The following SUPT16H variants were observed in gnomAD, a reference collection of about 807,000 sequenced individuals.
SUPT16H encodes SPT16 homolog, facilitates chromatin remodeling subunit.
Under a neutral mutation model 136.2 loss-of-function variants are expected in SUPT16H, and 24 were observed. That is an observed-to-expected ratio of 0.18 (90% CI 0.13 to 0.25). The LOEUF (loss-of-function observed/expected upper bound fraction) is 0.25, where lower values mean the gene tolerates loss of function less well. Among genes scored for constraint, SUPT16H ranks in the 10% least tolerant of loss-of-function variants. SUPT16H has a pLI of 1.00. For synonymous variants in SUPT16H, 415 were observed against 428.2 expected, an observed-to-expected ratio of 0.97 and a Z score of 0.38; for missense variants, 623 against 1,270.2, an observed-to-expected ratio of 0.49 and a Z score of 7.74.
intron 3 of SUPT16H, among the ~76,000 whole-genome samples, chr14:21,371,510 G>A (rs1407835024): frequency 1.3e-5 from 2 of 151,926 alleles, no homozygotes; most frequent in East Asian, 3.9e-4. Context: ...TGGGCAGTAT[G>A]ACAAAAAAAA....
At chr14:21,366,733 C>T (rs1302498924) in intron 7 of SUPT16H, among the ~76,000 whole-genome samples, 4 of 150,968 alleles carry the variant, frequency 2.6e-5, no homozygotes, top group Admixed American at 2.0e-4. Flanking sequence ...CACTGCAGCC[C>T]TGACCTCCCA....
intron 2 of SUPT16H, 172 bp from the exon 3 acceptor site, chr14:21,372,216 C>T (rs551580443): frequency 3.9e-4 from 250 of 640,968 alleles, no homozygotes; most frequent in African/African-American, 3.9e-3. Flanking sequence ...GGCCAAGAGT[C>T]GACAATTTAT....
At chr14:21,375,828 A>G (rs1449821378) in intron 1 of SUPT16H, among the ~76,000 whole-genome samples, 1 of 152,120 alleles carries the variant, frequency 6.6e-6, no homozygotes, top group Non-Finnish European at 1.5e-5. Flanking sequence ...CCTGACCTCA[A>G]GTGATCCTCC....
At chr14:21,383,708 G>A (rs1160759897) in intron 1 of SUPT16H, 154 bp downstream of exon 1, 3 of 827,646 alleles carry the variant, frequency 3.6e-6, no homozygotes, top group Non-Finnish European at 2.1e-6. Context: ...CAGCGTTCGT[G>A]GCCGCCTCCG....
chr14:21,383,730 G>A (rs761940046), intron 1 of SUPT16H, 132 bp downstream of exon 1: 1 of 1,008,126 alleles, frequency 9.9e-7, no homozygotes, highest in African/African-American at 1.6e-5. Context: ...TGAATGATTC[G>A]GGAGCAACGA....
chr14:21,382,259 A>C (rs1236513805), intron 1 of SUPT16H, among the ~76,000 whole-genome samples: 1 of 152,200 alleles, frequency 6.6e-6, no homozygotes, highest in Non-Finnish European at 1.5e-5. Context: ...TTACACCATC[A>C]GTGTCTTATC....
chr14:21,360,060 C>T (rs183196729), intron 18 of SUPT16H, among the ~76,000 whole-genome samples: 16 of 152,172 alleles, frequency 1.1e-4, no homozygotes, highest in Non-Finnish European at 2.2e-4. Flanking sequence ...GTTTTTCACA[C>T]GCTGTCGCCC....
At chr14:21,379,744 T>C (rs1474645118) in intron 1 of SUPT16H, among the ~76,000 whole-genome samples, 1 of 151,932 alleles carries the variant, frequency 6.6e-6, no homozygotes, top group Non-Finnish European at 1.5e-5. Context: ...ATTGGTCAAG[T>C]GTTGTGGCAT....
At chr14:21,368,466 C>T (rs371815707) in intron 6 of SUPT16H, 25 bp from the exon 7 acceptor site, 46 of 1,574,158 alleles carry the variant, frequency 2.9e-5, no homozygotes, top group Non-Finnish European at 3.9e-5. Flanking sequence ...AGAAAGAAAA[C>T]ATTTCATTAC....
In SUPT16H at chr14:21,351,541, T is replaced by C. The variant is rs1453850014; in HGVS notation, c.*1132A>G. ...CTTTTAGTTCTTCCAAAATTGAAAA[T>C]ATCAAGTCCTACTGCTAAGGAGAAA... On this transcript the variant is annotated 3_prime_UTR_variant, in exon 26 of 26. Coordinates refer to ENST00000216297, the MANE Select transcript of SUPT16H (RefSeq NM_007192.4). The C allele has an allele frequency of 4.9e-6, 1 of 205,542 alleles. No homozygotes were observed. Among genetic ancestry groups the C allele is most frequent in the African/African-American group, 2.3e-5 (1 of 42,994 alleles). The allele number at this position is 205,542 out of a possible 1,614,324, so 12.7% of individuals were successfully genotyped here.
intron 4 of SUPT16H, 83 bp downstream of exon 4, chr14:21,370,253 A>G (rs768510701): frequency 3.4e-5 from 50 of 1,483,486 alleles, no homozygotes; most frequent in Non-Finnish European, 4.5e-5. Flanking sequence ...CCCAAAACAA[A>G]CGTCCTGCAC....
chr14:21,370,273 T>C (rs778123472), intron 4 of SUPT16H, 63 bp downstream of exon 4: 3 of 1,570,374 alleles, frequency 1.9e-6, no homozygotes, highest in Non-Finnish European at 1.7e-6. Context: ...CTATCTGTTA[T>C]GGAAGCCCAT....
intron 22 of SUPT16H, among the ~76,000 whole-genome samples, chr14:21,355,492 CA>C (rs1392379273): frequency 2.9e-4 from 30 of 104,228 alleles, no homozygotes; most frequent in Admixed American, 1.5e-3. Context: ...GACTCTGTCT[CA>C]AAAAAATATA....
chr14:21,382,789 T>C (rs961757224), intron 1 of SUPT16H, among the ~76,000 whole-genome samples: 1 of 152,198 alleles, frequency 6.6e-6, no homozygotes. Context: ...TTTCATAAAA[T>C]GCAAGAGAAT....
intron 7 of SUPT16H, among the ~76,000 whole-genome samples, chr14:21,367,055 G>A (rs117846047): frequency 0.013 from 1,967 of 152,030 alleles, 31 homozygotes; most frequent in South Asian, 0.033. Context: ...TTTCTCCTGC[G>A]TCAGCTTCCC....
intron 10 of SUPT16H, 41 bp from the exon 11 acceptor site, chr14:21,363,544 G>C (rs377095158): frequency 3.8e-6 from 6 of 1,576,446 alleles, no homozygotes; most frequent in Non-Finnish European, 5.2e-6. Flanking sequence ...ATTTAAAAGA[G>C]GCAATTTCAT....
chr14:21,377,076 G>GAAAAAAAAAAAAAAAAAAAAAAAAAA (rs11323425), intron 1 of SUPT16H, among the ~76,000 whole-genome samples: 1 of 110,790 alleles, frequency 9.0e-6, no homozygotes. Flanking sequence ...GAAAGAAAAA[G>GAAAAAAAAAAAAAAAAAAAAAAAAAA]AAAAAAAAAA....
chr14:21,376,983 G>A (rs1005675116), intron 1 of SUPT16H, among the ~76,000 whole-genome samples: 9 of 149,272 alleles, frequency 6.0e-5, no homozygotes, highest in African/African-American at 1.7e-4. Flanking sequence ...TGAGGCAGGA[G>A]AATCTCTTGA....
intron 15 of SUPT16H, 64 bp downstream of exon 15, chr14:21,362,133 A>G: frequency 1.3e-6 from 2 of 1,543,404 alleles, no homozygotes; most frequent in South Asian, 2.5e-5. Context: ...CAGACAATGA[A>G]ATGTTTCTGA....
Sources: allele counts gnomAD v4.1 joint callset (sites outside exome capture counted in the v4.1 genomes callset), GRCh38; gene constraint gnomAD v4.1.1; transcripts MANE v1.5; gene names NCBI Gene and HGNC (gene_info 2026-07-23, HGNC 2026-07-21).